EYS: variants seen among roughly 807,000 people sequenced by gnomAD.
EYS encodes the protein protein eyes shut homolog.
Under a neutral mutation model 282.1 loss-of-function variants are expected in EYS, and 250 were observed. The ratio of observed to expected loss-of-function variants is 0.89; its 90% CI spans 0.80 to 0.98. EYS has a LOEUF of 0.98. EYS is among the 50% of genes least tolerant of loss of function. The pLI is 0.00. For synonymous variants in EYS, 1,355 were observed against 1,282.9 expected, an observed-to-expected ratio of 1.06 and a Z score of -1.20; for missense variants, 4,016 against 3,709.0, an observed-to-expected ratio of 1.08 and a Z score of -2.15.
chr6:65,022,276 C>T (rs1196462545), intron 13 of EYS, among the ~76,000 whole-genome samples: 6 of 152,164 alleles, frequency 3.9e-5, no homozygotes, highest in African/African-American at 1.4e-4. Context: ...GATGCTTCCT[C>T]CATTTGCTCT....
At chr6:63,765,434 T>C (rs1437897594) in intron 40 of EYS, among the ~76,000 whole-genome samples, 2 of 151,758 alleles carry the variant, frequency 1.3e-5, no homozygotes, top group Non-Finnish European at 2.9e-5. Context: ...ATGTATGCAC[T>C]GAAAGGAGGT....
chr6:65,511,984 CAAAAA>C (rs11368301), intron 2 of EYS, among the ~76,000 whole-genome samples: 1 of 94,824 alleles, frequency 1.1e-5, no homozygotes. Flanking sequence ...AACTCTGTCT[CAAAAA>C]AAAAAAAAAA....
chr6:64,020,580 T>C (rs2149818811), intron 33 of EYS, among the ~76,000 whole-genome samples: 1 of 152,286 alleles, frequency 6.6e-6, no homozygotes, highest in Admixed American at 6.5e-5. Context: ...GTAAAAATTA[T>C]CCAACAATTT....
At chr6:64,246,845 C>T (rs1165790448) in intron 30 of EYS, among the ~76,000 whole-genome samples, 3 of 152,068 alleles carry the variant, frequency 2.0e-5, no homozygotes, top group African/African-American at 7.2e-5. Flanking sequence ...ATCACAAATT[C>T]ATATTCAAAT....
At chr6:64,251,732 T>C (rs1767225325) in intron 30 of EYS, among the ~76,000 whole-genome samples, 1 of 152,170 alleles carries the variant, frequency 6.6e-6, no homozygotes, top group East Asian at 1.9e-4. Context: ...ATCGTGTGCC[T>C]AGTATGTGCT....
intron 29 of EYS, among the ~76,000 whole-genome samples, chr6:64,383,440 G>T (rs1220553181): frequency 6.6e-6 from 1 of 152,224 alleles, no homozygotes; most frequent in Non-Finnish European, 1.5e-5. Flanking sequence ...CTTGACTTGT[G>T]ATTCAGTGCC....
intron 29 of EYS, among the ~76,000 whole-genome samples, chr6:64,346,286 A>G (rs1771390277): frequency 6.6e-6 from 1 of 152,130 alleles, no homozygotes; most frequent in Non-Finnish European, 1.5e-5. Context: ...ACAATAGCAA[A>G]GACTTGGAAC....
At chr6:63,748,525 C>T (rs1022791591) in intron 41 of EYS, among the ~76,000 whole-genome samples, 1 of 152,134 alleles carries the variant, frequency 6.6e-6, no homozygotes, top group South Asian at 2.1e-4. Flanking sequence ...AGGAGTCCCT[C>T]CTCATCAATT....
chr6:65,365,358 A>G (rs1391378974), intron 8 of EYS, among the ~76,000 whole-genome samples: 1 of 151,546 alleles, frequency 6.6e-6, no homozygotes, highest in Non-Finnish European at 1.5e-5. Flanking sequence ...TAGATTGGAA[A>G]TGATTATGAA....
At chr6:64,328,705 A>C (rs1050557566) in intron 29 of EYS, among the ~76,000 whole-genome samples, 1 of 152,194 alleles carries the variant, frequency 6.6e-6, no homozygotes, top group Non-Finnish European at 1.5e-5. Flanking sequence ...AATTGGGATG[A>C]GGAGGCCAAG....
intron 12 of EYS, among the ~76,000 whole-genome samples, chr6:65,067,097 A>G (rs1032822923): frequency 3.3e-5 from 5 of 152,176 alleles, no homozygotes; most frequent in African/African-American, 1.2e-4. Flanking sequence ...CTGTTGGATC[A>G]AACTAAAGAA....
At chr6:64,335,966 T>G (rs751336210) in intron 29 of EYS, among the ~76,000 whole-genome samples, 2 of 152,168 alleles carry the variant, frequency 1.3e-5, no homozygotes, top group African/African-American at 2.4e-5. Context: ...CTACAAGAAC[T>G]GCTAAAATGA....
chr6:65,083,611 A>C (rs1774285122), intron 12 of EYS, among the ~76,000 whole-genome samples: 1 of 151,836 alleles, frequency 6.6e-6, no homozygotes, highest in African/African-American at 2.4e-5. Context: ...TTACTTTTTC[A>C]ACCCTGTTTT....
At chr6:65,468,155 A>C (rs1765077363) in intron 5 of EYS, among the ~76,000 whole-genome samples, 1 of 152,144 alleles carries the variant, frequency 6.6e-6, no homozygotes, top group South Asian at 2.1e-4. Context: ...GGAAAGTAAC[A>C]AAAAGCTGTT....
chr6:64,909,289 T>A (rs1767921510), intron 16 of EYS, among the ~76,000 whole-genome samples: 1 of 152,100 alleles, frequency 6.6e-6, no homozygotes, highest in African/African-American at 2.4e-5. Context: ...TGGAGTACAG[T>A]TTATAGAGGC....
intron 8 of EYS, among the ~76,000 whole-genome samples, chr6:65,365,524 C>CTCTTTTA (rs70999196): frequency 0.68 from 102,211 of 150,858 alleles, 34,868 homozygotes; most frequent in South Asian, 0.71. Context: ...TGTTAGGTTT[C>CTCTTTTA]TCTTTTATTT....
chr6:65,614,269 C>T (rs1766105890), intron 2 of EYS, among the ~76,000 whole-genome samples: 1 of 152,074 alleles, frequency 6.6e-6, no homozygotes, highest in South Asian at 2.1e-4. Context: ...ATAAAAATTA[C>T]TCTTGCTACA....
At chr6:64,905,886 A>G (rs544252015) in intron 16 of EYS, among the ~76,000 whole-genome samples, 14 of 152,240 alleles carry the variant, frequency 9.2e-5, no homozygotes, top group Non-Finnish European at 1.5e-5. Flanking sequence ...AAACTAGTGT[A>G]TACCATAGCA....
At chr6:65,516,895 C>A (rs1044740676) in intron 2 of EYS, among the ~76,000 whole-genome samples, 2 of 152,014 alleles carry the variant, frequency 1.3e-5, no homozygotes, top group Admixed American at 1.3e-4. Context: ...TCAGAGAATA[C>A]AATCTCTTAC....
Sources: gnomAD v4.1 joint callset for allele counts (sites outside exome capture counted in the v4.1 genomes callset) on GRCh38, gnomAD v4.1.1 for gene constraint, MANE v1.5 for transcripts, NCBI Gene and HGNC (gene_info 2026-07-23, HGNC 2026-07-21) for gene names.